The following SHLD2 variants were observed in gnomAD, a reference collection of about 807,000 sequenced individuals.
SHLD2 encodes RINN1-REV7-interacting novel NHEJ regulator 2.
A neutral mutation model predicts 73.2 loss-of-function variants in SHLD2; 30 were observed. The ratio of observed to expected loss-of-function variants is 0.41; its 90% CI spans 0.31 to 0.56. The LOEUF is 0.56. SHLD2 is among the 20% of genes least tolerant of loss of function. SHLD2 has a pLI of 0.28. For missense variants in SHLD2, 745 were observed against 1,055.9 expected, an observed-to-expected ratio of 0.71 and a Z score of 4.08; for synonymous variants, 285 against 370.1, an observed-to-expected ratio of 0.77 and a Z score of 2.64.
At chr10:87,155,250 T>G (rs1846330814) in intron 3 of SHLD2, among the ~76,000 whole-genome samples, 1 of 151,852 alleles carries the variant, frequency 6.6e-6, no homozygotes, top group Non-Finnish European at 1.5e-5. Flanking sequence ...CAATCTTTTA[T>G]AAAGAGGTAA....
chr10:87,186,052 G>A (rs556206514), intron 8 of SHLD2, among the ~76,000 whole-genome samples: 10 of 152,106 alleles, frequency 6.6e-5, no homozygotes, highest in South Asian at 2.1e-4. Context: ...CTTGAGTGAC[G>A]GAACCAGATT....
At chr10:87,121,617 A>T (rs1843624630) in intron 2 of SHLD2, among the ~76,000 whole-genome samples, 1 of 152,030 alleles carries the variant, frequency 6.6e-6, no homozygotes, top group African/African-American at 2.4e-5. Flanking sequence ...CATATAATTC[A>T]TGGCTTTTGA....
At chr10:87,119,140 C>G (rs1808599759) in intron 2 of SHLD2, among the ~76,000 whole-genome samples, 1 of 149,396 alleles carries the variant, frequency 6.7e-6, no homozygotes, top group South Asian at 2.2e-4. Context: ...CAGTCTTATG[C>G]TGACATCAGC....
At chr10:87,144,510 T>G (rs1845431957) in intron 2 of SHLD2, among the ~76,000 whole-genome samples, 1 of 152,194 alleles carries the variant, frequency 6.6e-6, no homozygotes, top group African/African-American at 2.4e-5. Context: ...CTTCAACTGC[T>G]TTTGTTTCTG....
chr10:87,121,445 A>G (rs1843612922), intron 2 of SHLD2, among the ~76,000 whole-genome samples: 1 of 151,910 alleles, frequency 6.6e-6, no homozygotes, highest in Admixed American at 6.6e-5. Flanking sequence ...TTTGAATGTA[A>G]TAGTGTTGTG....
chr10:87,171,908 AC>A (rs1442293226), intron 6 of SHLD2, among the ~76,000 whole-genome samples: 2 of 152,190 alleles, frequency 1.3e-5, no homozygotes, highest in East Asian at 3.9e-4. Flanking sequence ...ATCATTGACC[AC>A]CATAGCCTGG....
At chr10:87,121,796 G>A (rs529048279) in intron 2 of SHLD2, among the ~76,000 whole-genome samples, 2 of 136,340 alleles carry the variant, frequency 1.5e-5, no homozygotes, top group South Asian at 2.2e-4. Context: ...AGATAGTCTC[G>A]TCCTGATGGC....
intron 2 of SHLD2, among the ~76,000 whole-genome samples, chr10:87,097,732 T>C (rs1434917956): frequency 6.6e-6 from 1 of 152,164 alleles, no homozygotes; most frequent in Non-Finnish European, 1.5e-5. Flanking sequence ...ATAAAACAGA[T>C]GTTTTTATTT....
At chr10:87,182,857 G>A (rs996669224) in intron 8 of SHLD2, among the ~76,000 whole-genome samples, 4 of 150,610 alleles carry the variant, frequency 2.7e-5, no homozygotes, top group East Asian at 1.9e-4. Flanking sequence ...GTGTCTCCAC[G>A]GGCTGCCTGA....
At position 87,187,109 on chromosome 10, in the gene SHLD2, T is replaced by G. The variant is rs1184156561; in HGVS notation, c.2424T>G (p.Asp808Glu). Reference protein sequence around the residue: ...YYRPALMTAIDGRHDVCIRVE... With the variant: ...YYRPALMTAIEGRHDVCIRVE... The stretch of plus-strand genomic sequence containing the variant: ...GGCCAGCGTTAATGACTGCCATTGA[T>G]GGAAGACATGATGTTTGTATCCGTG... Residue 808 changes from aspartate (D) to glutamate (E), a missense_variant, in exon 9 of 10, where the codon GAT becomes GAG. Transcript: ENST00000298786. The G allele has an allele frequency of 6.2e-7, 1 of 1,613,100 alleles. No individual in the cohort carries two copies. The highest frequency in any genetic ancestry group is 1.3e-5 in the African/African-American group (1 of 74,902).
intron 2 of SHLD2, among the ~76,000 whole-genome samples, chr10:87,142,772 T>A (rs1197694307): frequency 4.6e-5 from 7 of 150,792 alleles, no homozygotes; most frequent in African/African-American, 1.5e-4. Context: ...TTTTTTTTTT[T>A]AATTTTTCTT....
Position 87,148,560 on chromosome 10 carries a change from G to C in SHLD2, c.-5-2790G>C, listed in dbSNP as rs1183663054. On this transcript the variant is annotated intron_variant, in intron 2 of 9. Transcript: ENST00000298786. ...GTAAGAAACAACAAACAAGTTTGTG[G>C]GGGGGCGGGGGTTGGTTTTATTTTT... is the stretch of plus-strand genomic sequence containing the variant. Among the ~76,000 whole-genome samples the C allele has an allele frequency of 2.0e-4, 28 of 140,284 alleles. 2 individuals are homozygous for C. Among genetic ancestry groups the C allele is most frequent in the African/African-American group, 7.7e-4 (28 of 36,150 alleles). The allele number at this position is 140,284 out of a possible 152,430, so 92.0% of individuals were successfully genotyped here. A position where few individuals can be genotyped will look rare whatever the true frequency, so the allele number is the denominator to read the frequency against.
At chr10:87,137,514 GA>G (rs536943160) in intron 2 of SHLD2, among the ~76,000 whole-genome samples, 341 of 152,204 alleles carry the variant, frequency 2.2e-3, no homozygotes, top group Non-Finnish European at 2.7e-3. Flanking sequence ...AGATTGGAAA[GA>G]GAAAAGACAG....
chr10:87,118,363 C>G (rs1183581361), intron 2 of SHLD2, among the ~76,000 whole-genome samples: 1 of 152,180 alleles, frequency 6.6e-6, no homozygotes, highest in East Asian at 1.9e-4. Flanking sequence ...TGACTGCAGT[C>G]TTTTAAACAG....
rs536492784 is a variant in SHLD2 at position 87,134,857 on chromosome 10, G to A, written c.-5-16493G>A. Among the ~76,000 whole-genome samples, 174 of 152,316 alleles carry A rather than the reference G, an allele frequency of 1.1e-3. 2 individuals carry two copies. Among genetic ancestry groups the A allele is most frequent in the Non-Finnish European group, 1.8e-3 (125 of 68,024 alleles). ...CATTTCAGGCCTTCACAGAATGTAA[G>A]GAAGCTGGCCTCCAGAAGGCTGGCT... On this transcript the variant is annotated intron_variant, in intron 2 of 9. Transcript: ENST00000298786.
At chr10:87,127,528 C>T (rs1411581795) in intron 2 of SHLD2, among the ~76,000 whole-genome samples, 1 of 57,162 alleles carries the variant, frequency 1.7e-5, no homozygotes, top group Non-Finnish European at 3.3e-5. Flanking sequence ...CCCTCTTACC[C>T]GCCCCCCCCC....
At position 87,152,631 on chromosome 10, in the gene SHLD2, T is replaced by C. The variant is rs1564600905; in HGVS notation, c.1277T>C (p.Ile426Thr). 1.4e-5 allele frequency: 22 copies of C among 1,610,450 alleles called. No homozygotes were observed. In the East Asian group the frequency reaches 4.7e-4, roughly 34 times the overall value. Residue 426 changes from isoleucine to threonine, a missense_variant, in exon 3 of 10, where the codon ATT becomes ACT. Around this residue, in one of 5 missense-constraint regions of SHLD2, gnomAD observed 418 missense variants for 567.8 expected, o/e 0.74. Transcript: ENST00000298786. ...AGAAATGTGTCTGAATTTAAGAGTA[T>C]TAAAAAAACATCATTAATAAAAAAC... ...DRRNVSEFKSIKKTSLIKNCD... is the reference protein window; with the variant it reads ...DRRNVSEFKSTKKTSLIKNCD...
chr10:87,119,445 TC>T (rs1382497355), intron 2 of SHLD2, among the ~76,000 whole-genome samples: 1 of 151,946 alleles, frequency 6.6e-6, no homozygotes, highest in Admixed American at 6.6e-5. Flanking sequence ...AGTGGTTTTC[TC>T]CATCTGTCAG....
chr10:87,147,521 C>G (rs907520676), intron 2 of SHLD2, among the ~76,000 whole-genome samples: 1 of 151,726 alleles, frequency 6.6e-6, no homozygotes, highest in Non-Finnish European at 1.5e-5. Flanking sequence ...TGAAAGGTTG[C>G]AGAACATTTA....
Sources: gnomAD v4.1 joint callset for allele counts (sites outside exome capture counted in the v4.1 genomes callset) on GRCh38, gnomAD v4.1.1 for gene constraint, gnomAD v4.1.1 regional missense constraint, MANE v1.5 for transcripts, NCBI Gene and HGNC (gene_info 2026-07-23, HGNC 2026-07-21) for gene names.